FAM161A: variants seen among roughly 807,000 people sequenced by gnomAD.
FAM161A encodes the protein FAM161 centrosomal protein A, also known as protein FAM161A.
A neutral mutation model predicts 70.9 loss-of-function variants in FAM161A; 57 were observed. The observed-to-expected ratio is 0.80, with a 90% CI of 0.65 to 1.00. The LOEUF (loss-of-function observed/expected upper bound fraction) is 1.00, where lower values mean the gene tolerates loss of function less well. Among genes scored for constraint, FAM161A ranks in the 50% least tolerant of loss-of-function variants. FAM161A has a pLI of 0.00. For synonymous variants in FAM161A, 299 were observed against 295.7 expected, an observed-to-expected ratio of 1.01 and a Z score of -0.12; for missense variants, 880 against 836.0, an observed-to-expected ratio of 1.05 and a Z score of -0.65.
chr2:61,823,362 C>CATATATATATATATATATATATATATAT (rs59631970), downstream of FAM161A, among the ~76,000 whole-genome samples: 436 of 119,806 alleles, frequency 3.6e-3, 5 homozygotes, highest in Middle Eastern at 8.2e-3. Flanking sequence ...AATTTTCCAT[C>CATATATATATATATATATATATATATAT]ATATATATAT....
the FAM161A span, among the ~76,000 whole-genome samples, chr2:61,817,021 G>A: frequency 6.6e-6 from 1 of 152,116 alleles, no homozygotes; most frequent in Admixed American, 6.5e-5. Flanking sequence ...ACTGAAATAG[G>A]TAGAACATTT....
intron 1 of FAM161A, among the ~76,000 whole-genome samples, chr2:61,846,486 G>T (rs1047622280): frequency 4.6e-5 from 7 of 152,164 alleles, no homozygotes; most frequent in Non-Finnish European, 2.9e-5. Flanking sequence ...CAGATGTGAC[G>T]TCAGGATACT....
the FAM161A span, among the ~76,000 whole-genome samples, chr2:61,811,687 G>A: frequency 3.3e-5 from 5 of 151,026 alleles, no homozygotes; most frequent in African/African-American, 1.2e-4. Context: ...TTTATTTTTT[G>A]TAGAAATGTG....
intron 1 of FAM161A, among the ~76,000 whole-genome samples, chr2:61,852,795 G>C (rs1226289251): frequency 6.6e-6 from 1 of 152,144 alleles, no homozygotes; most frequent in Non-Finnish European, 1.5e-5. Context: ...TTTTACTGTA[G>C]ATTAAAGAGA....
chr2:61,841,477 A>G (rs936517539), intron 2 of FAM161A, among the ~76,000 whole-genome samples: 1 of 152,182 alleles, frequency 6.6e-6, no homozygotes, highest in Non-Finnish European at 1.5e-5. Flanking sequence ...TCTGGCCTGC[A>G]TCCCTCTGAA....
the FAM161A span, among the ~76,000 whole-genome samples, chr2:61,809,013 C>G: frequency 9.2e-5 from 14 of 152,282 alleles, no homozygotes; most frequent in African/African-American, 3.4e-4. Context: ...GCTGGGATTG[C>G]AGGCACCTGC....
chr2:61,811,652 C>T, the FAM161A span, among the ~76,000 whole-genome samples: 1 of 152,128 alleles, frequency 6.6e-6, no homozygotes, highest in South Asian at 2.1e-4. Flanking sequence ...GGATTACAGG[C>T]ATGAACCACT....
chr2:61,832,378 T>A (rs1364207581), intron 5 of FAM161A, among the ~76,000 whole-genome samples: 1 of 152,084 alleles, frequency 6.6e-6, no homozygotes. Context: ...TCATTTTTCA[T>A]TAGGTAAGCA....
the FAM161A span, among the ~76,000 whole-genome samples, chr2:61,815,323 C>G: frequency 2.0e-5 from 3 of 152,074 alleles, no homozygotes; most frequent in African/African-American, 7.2e-5. Flanking sequence ...AAATGCCATG[C>G]CAGTATGCTG....
chr2:61,845,681 C>G (rs1016959271), intron 1 of FAM161A, among the ~76,000 whole-genome samples: 1 of 151,544 alleles, frequency 6.6e-6, no homozygotes, highest in Non-Finnish European at 1.5e-5. Flanking sequence ...AAAAAATTAG[C>G]TGGATGTGGT....
At chr2:61,847,607 C>T (rs993487087) in intron 1 of FAM161A, among the ~76,000 whole-genome samples, 3 of 151,834 alleles carry the variant, frequency 2.0e-5, no homozygotes, top group Middle Eastern at 3.2e-3. Context: ...CTCATCTCTA[C>T]AAAAAATACA....
At chr2:61,828,014 A>G (rs1424345634) in intron 5 of FAM161A, among the ~76,000 whole-genome samples, 1 of 152,250 alleles carries the variant, frequency 6.6e-6, no homozygotes, top group Non-Finnish European at 1.5e-5. Flanking sequence ...AAGTTCAGAA[A>G]TGGGCAAAAC....
At chr2:61,809,065 G>A in the FAM161A span, among the ~76,000 whole-genome samples, 3 of 152,100 alleles carry the variant, frequency 2.0e-5, no homozygotes, top group Admixed American at 6.5e-5. Flanking sequence ...TAGAGACGAG[G>A]TTTTGCCATG....
the FAM161A span, among the ~76,000 whole-genome samples, chr2:61,815,342 C>T: frequency 3.3e-5 from 5 of 152,140 alleles, no homozygotes; most frequent in Middle Eastern, 3.4e-3. Flanking sequence ...TGTATGATGG[C>T]GTGCTTGGAG....
At chr2:61,837,598 A>G (rs997379577) in intron 4 of FAM161A, among the ~76,000 whole-genome samples, 29 of 152,204 alleles carry the variant, frequency 1.9e-4, no homozygotes, top group African/African-American at 7.0e-4. Flanking sequence ...GCAAAACCTC[A>G]TCTCTACCAA....
chr2:61,838,892 A>ATTTTT (rs746321568), intron 3 of FAM161A, among the ~76,000 whole-genome samples, 187 bp from the exon 4 acceptor site: 11 of 130,278 alleles, frequency 8.4e-5, no homozygotes, highest in African/African-American at 1.9e-4. Flanking sequence ...TTATTTATTT[A>ATTTTT]TTTTTTTTGA....
the FAM161A span, among the ~76,000 whole-genome samples, chr2:61,814,735 T>G: frequency 6.6e-6 from 1 of 152,116 alleles, no homozygotes; most frequent in South Asian, 2.1e-4. Flanking sequence ...GTTTGTTCAA[T>G]ATGCATGATC....
the FAM161A span, among the ~76,000 whole-genome samples, chr2:61,815,438 A>G: frequency 6.7e-6 from 1 of 149,264 alleles, no homozygotes; most frequent in Admixed American, 6.7e-5. Context: ...GTGTTGCCCC[A>G]GGAAAGTGCG....
rs1267111816 is a variant in FAM161A, at chr2:61,839,878, CTTCTTT to C, written c.1120_1125del (p.Lys374_Glu375del). 6.2e-7 allele frequency: 1 copy of C among 1,614,212 alleles called. No homozygotes were observed. Among genetic ancestry groups the C allele is most frequent in the South Asian group, 1.1e-5 (1 of 91,078 alleles). On this transcript the variant is annotated inframe_deletion, in exon 3 of 7. Transcript: ENST00000404929. ...GTCCTAAGGTTTCGATAGAGCTCTT[CTTCTTT>C]TAACTTGTCATTGGTAGTTGAACCA...
Sources: allele counts gnomAD v4.1 joint callset (sites outside exome capture counted in the v4.1 genomes callset), GRCh38; gene constraint gnomAD v4.1.1; transcripts MANE v1.5; gene names NCBI Gene and HGNC (gene_info 2026-07-23, HGNC 2026-07-21).